TRAK1: variants seen among roughly 807,000 people sequenced by gnomAD.
TRAK1 encodes trafficking kinesin protein 1.
A neutral mutation model predicts 92.1 loss-of-function variants in TRAK1; 33 were observed. The ratio of observed to expected loss-of-function variants is 0.36; its 90% CI spans 0.27 to 0.48. TRAK1 has a LOEUF of 0.48. Among genes scored for constraint, TRAK1 ranks in the 20% least tolerant of loss-of-function variants. The probability of loss-of-function intolerance (pLI) is 0.99; values close to 1 mark genes in which losing one functional copy is unlikely to be tolerated. For synonymous variants in TRAK1, 521 were observed against 517.3 expected (o/e 1.01, Z -0.10); for missense variants, 1,123 against 1,257.9 (o/e 0.89, Z 1.62).
chr3:42,111,901 G>A (rs1441867844), intron 1 of TRAK1, among the ~76,000 whole-genome samples: 33 of 149,198 alleles, frequency 2.2e-4, no homozygotes, highest in East Asian at 1.6e-3. Flanking sequence ...GAAAGATGCT[G>A]TGGGCTGACA....
chr3:42,138,573 A>G (rs1437960039), intron 2 of TRAK1, among the ~76,000 whole-genome samples: 1 of 152,130 alleles, frequency 6.6e-6, no homozygotes, highest in Non-Finnish European at 1.5e-5. Context: ...CATTTTAATT[A>G]AAATCCTAAG....
In TRAK1 at chr3:42,023,637, G is replaced by A. The variant is rs74402999; in HGVS notation, c.-519+9520G>A. On this transcript the variant is annotated intron_variant, in intron 1 of 16. Coordinates refer to the TRAK1 transcript ENST00000487159. Reference sequence around the variant, plus strand: ...AGGGTAAGGGAGGGGGCGGAGTGAAGGATAAGGCTGAGGTTTCTGAGTTGG... The same window carrying A: ...AGGGTAAGGGAGGGGGCGGAGTGAAAGATAAGGCTGAGGTTTCTGAGTTGG... Among the ~76,000 whole-genome samples, 1,022 of 151,968 alleles carry A rather than the reference G, an allele frequency of 6.7e-3. 7 individuals carry two copies. Among genetic ancestry groups the A allele is most frequent in the African/African-American group, 0.023 (963 of 41,420 alleles).
intron 1 of TRAK1, among the ~76,000 whole-genome samples, chr3:42,109,049 T>A (rs554665122): frequency 6.6e-6 from 1 of 152,252 alleles, no homozygotes; most frequent in Admixed American, 6.5e-5. Context: ...GACCTCCGAG[T>A]TCAGGCTCTG....
intron 1 of TRAK1, among the ~76,000 whole-genome samples, chr3:42,113,413 T>G (rs1576423281): frequency 8.6e-6 from 1 of 116,608 alleles, no homozygotes. Context: ...CCCCTACCCC[T>G]ACCCCTACCC....
intron 1 of TRAK1, among the ~76,000 whole-genome samples, chr3:42,033,062 G>C (rs1203507647): frequency 1.3e-5 from 2 of 152,196 alleles, no homozygotes; most frequent in Non-Finnish European, 2.9e-5. Context: ...CGATGTGTTT[G>C]TTCTGGAAGT....
At chr3:42,067,685 TAGTC>T (rs1316919760) in intron 1 of TRAK1, among the ~76,000 whole-genome samples, 6 of 152,168 alleles carry the variant, frequency 3.9e-5, no homozygotes, top group South Asian at 2.1e-4. Flanking sequence ...TCTGTAGTGT[TAGTC>T]AGGAAGCCCC....
At chr3:42,220,349 A>G (rs899963113) in intron 15 of TRAK1, 6 of 436,876 alleles carry the variant, frequency 1.4e-5, no homozygotes, top group Admixed American at 6.4e-5. Flanking sequence ...TGCTGCCAGC[A>G]AAAGAGAAAA....
chr3:42,130,013 C>A (rs967974861), intron 2 of TRAK1, among the ~76,000 whole-genome samples: 6 of 152,068 alleles, frequency 3.9e-5, no homozygotes, highest in African/African-American at 1.4e-4. Context: ...ATTCAAAATT[C>A]ATTTTTTTTC....
chr3:42,095,014 G>C (rs541136208), intron 1 of TRAK1, among the ~76,000 whole-genome samples: 140 of 152,308 alleles, frequency 9.2e-4, no homozygotes, highest in African/African-American at 3.1e-3. Context: ...GGAGGCATCT[G>C]TTTTACTCAG....
At chr3:42,068,575 G>T (rs1703779652) in intron 1 of TRAK1, among the ~76,000 whole-genome samples, 1 of 152,188 alleles carries the variant, frequency 6.6e-6, no homozygotes, top group Non-Finnish European at 1.5e-5. Context: ...CGTGTTCCAG[G>T]CACTGAGGAC....
intron 2 of TRAK1, among the ~76,000 whole-genome samples, chr3:42,143,650 G>C (rs1698974726): frequency 6.6e-6 from 1 of 152,174 alleles, no homozygotes; most frequent in South Asian, 2.1e-4. Context: ...ACCCGAGACG[G>C]CTCCTGGGAC....
intron 1 of TRAK1, among the ~76,000 whole-genome samples, chr3:42,045,864 G>C (rs1702731203): frequency 6.6e-6 from 1 of 152,204 alleles, no homozygotes; most frequent in Non-Finnish European, 1.5e-5. Flanking sequence ...TCAGGCTGCT[G>C]TGTTTAGTAA....
At chr3:42,030,692 ATATATATATATATATAT>A (rs1559709825) in intron 1 of TRAK1, among the ~76,000 whole-genome samples, 390 of 9,588 alleles carry the variant, frequency 0.041, 18 homozygotes, top group Non-Finnish European at 0.062. Flanking sequence ...AAAAAAGAAT[ATATATATATATATATAT>A]ATATATATAT....
intron 1 of TRAK1, among the ~76,000 whole-genome samples, chr3:42,023,572 T>A (rs1456449356): frequency 6.6e-6 from 1 of 151,916 alleles, no homozygotes; most frequent in African/African-American, 2.4e-5. Flanking sequence ...TGTGGGTAGA[T>A]GTTTAAGAGA....
At chr3:42,113,003 T>C (rs1337159865) in intron 1 of TRAK1, among the ~76,000 whole-genome samples, 1 of 152,106 alleles carries the variant, frequency 6.6e-6, no homozygotes, top group Non-Finnish European at 1.5e-5. Flanking sequence ...ACTCCTAGGC[T>C]CAAGTGATCC....
At chr3:42,029,304 T>G (rs1007103443) in intron 1 of TRAK1, among the ~76,000 whole-genome samples, 4 of 152,194 alleles carry the variant, frequency 2.6e-5, no homozygotes, top group Non-Finnish European at 5.9e-5. Flanking sequence ...AGCGGTGCAG[T>G]CTCAGCTCAT....
chr3:42,175,847 T>C (rs1234835782), intron 2 of TRAK1, among the ~76,000 whole-genome samples: 1 of 152,212 alleles, frequency 6.6e-6, no homozygotes, highest in Non-Finnish European at 1.5e-5. Flanking sequence ...CACTGAAGTC[T>C]TAGTTACAAA....
chr3:42,146,037 G>A (rs546797326), intron 2 of TRAK1: 11 of 413,360 alleles, frequency 2.7e-5, no homozygotes, highest in South Asian at 2.2e-4. Flanking sequence ...TTTGGCTTCA[G>A]GAACTTTGCT....
At chr3:42,079,351 G>T (rs763821985) in intron 1 of TRAK1, among the ~76,000 whole-genome samples, 1 of 152,172 alleles carries the variant, frequency 6.6e-6, no homozygotes, top group African/African-American at 2.4e-5. Flanking sequence ...TCAGGTACCT[G>T]GCTGGCCATG....
Sources: allele counts gnomAD v4.1 joint callset (sites outside exome capture counted in the v4.1 genomes callset), GRCh38; gene constraint gnomAD v4.1.1; transcripts MANE v1.5; gene names NCBI Gene and HGNC (gene_info 2026-07-23, HGNC 2026-07-21).